Variants in ARAP1 observed in about 807,000 individuals in gnomAD.
ARAP1 encodes the protein ArfGAP with RhoGAP domain, ankyrin repeat and PH domain 1, also known as arf-GAP with Rho-GAP domain, ANK repeat and PH domain-containing protein 1.
Under a neutral mutation model 172.2 loss-of-function variants are expected in ARAP1, and 76 were observed. The ratio of observed to expected loss-of-function variants is 0.44; its 90% CI spans 0.37 to 0.53. The LOEUF is 0.53. ARAP1 is among the 20% of genes least tolerant of loss of function. The probability of loss-of-function intolerance (pLI) is 0.00; values close to 1 mark genes in which losing one functional copy is unlikely to be tolerated. For missense variants in ARAP1, 1,686 were observed against 1,977.5 expected (o/e 0.85, Z 2.80); for synonymous variants, 804 against 803.3 (o/e 1.00, Z -0.01).
chr11:72,722,863 A>G (rs1458568476), intron 3 of ARAP1, among the ~76,000 whole-genome samples: 3 of 152,294 alleles, frequency 2.0e-5, no homozygotes, highest in Middle Eastern at 3.4e-3. Flanking sequence ...CACAGGGCTC[A>G]TGTCTGCGGC....
In ARAP1 at chr11:72,695,988, G is replaced by C; in HGVS notation, c.3273-123C>G. 7.9e-7 allele frequency: 1 copy of C among 1,258,010 alleles called. No homozygotes were observed. Among genetic ancestry groups the C allele is most frequent in the Non-Finnish European group, 1.1e-6 (1 of 936,162 alleles). 77.9% of individuals were successfully genotyped at this position (1,258,010 alleles called of 1,614,324 possible). A position where few individuals can be genotyped will look rare whatever the true frequency, so the allele number is the denominator to read the frequency against. On this transcript the variant is annotated intron_variant, in intron 23 of 34. Transcript: ENST00000393609. This position sits in a 1 kb window ranked among gnomAD's most constrained non-coding sequence, Gnocchi z 4.4. ...GAGGGGACCACTGTTTAACAGGGTA[G>C]GAACAGTTTTTCTGGCCATATCTTG...
intron 33 of ARAP1, 136 bp from the exon 34 acceptor site, chr11:72,686,327 TGAG>T: frequency 8.4e-7 from 1 of 1,196,586 alleles, no homozygotes; most frequent in South Asian, 1.5e-5. Context: ...CCCGCCGATA[TGAG>T]AAGCAGCTGT....
Position 72,707,168 on chromosome 11 carries a change from C to A in ARAP1, c.1723+7G>T. 6.4e-7 allele frequency: 1 copy of A among 1,571,606 alleles called. No individual in the cohort carries two copies. The highest frequency in any genetic ancestry group is 8.6e-7 in the Non-Finnish European group (1 of 1,156,776). ...TCTGCCTGGTGCCCCGACCCCCATG[C>A]ACACACCTGCACAGCGCTTGCAGAT... is the stretch of plus-strand genomic sequence containing the variant. On this transcript the variant is annotated splice_region_variant and intron_variant, in intron 12 of 34. Transcript: ENST00000393609.
At chr11:72,747,192 C>T (rs187921246) in intron 1 of ARAP1, among the ~76,000 whole-genome samples, 23 of 152,312 alleles carry the variant, frequency 1.5e-4, no homozygotes, top group Admixed American at 1.1e-3. Context: ...AGAAGTGGCC[C>T]TCCTGATCTT....
intron 1 of ARAP1, among the ~76,000 whole-genome samples, chr11:72,735,382 G>A (rs547571565): frequency 1.3e-5 from 2 of 152,112 alleles, no homozygotes; most frequent in South Asian, 4.1e-4. Flanking sequence ...AGGCCAAGGC[G>A]GGTAGATCAC....
chr11:72,703,408 C>CGGGGGGGGGGGGGGG (rs56850317), intron 14 of ARAP1: 1 of 113,720 alleles, frequency 8.8e-6, no homozygotes, highest in Non-Finnish European at 1.9e-5. Context: ...GTGGAGGAGC[C>CGGGGGGGGGGGGGGG]GGGGGGGGGG....
At chr11:72,690,222 A>G (rs990803575) in intron 30 of ARAP1, among the ~76,000 whole-genome samples, 1 of 152,152 alleles carries the variant, frequency 6.6e-6, no homozygotes, top group African/African-American at 2.4e-5. Flanking sequence ...AGGCCCAGTC[A>G]GGCGCAGAGG....
chr11:72,737,811 A>G (rs1858078905), intron 1 of ARAP1, among the ~76,000 whole-genome samples: 1 of 151,968 alleles, frequency 6.6e-6, no homozygotes, highest in African/African-American at 2.4e-5. Context: ...TTTTGTAGAG[A>G]TGGGGTTTTG....
chr11:72,712,131 G>C (rs897858525), intron 7 of ARAP1, 65 bp downstream of exon 7: 4 of 1,484,228 alleles, frequency 2.7e-6, no homozygotes, highest in South Asian at 1.3e-5. Context: ...AGTGTCCTGG[G>C]GTCCTGGACA....
At chr11:72,715,152 G>A (rs577698435) in intron 3 of ARAP1, among the ~76,000 whole-genome samples, 2 of 152,244 alleles carry the variant, frequency 1.3e-5, no homozygotes, top group Non-Finnish European at 2.9e-5. Context: ...TAGCCCCTCT[G>A]AGCCTCAGTT....
intron 2 of ARAP1, among the ~76,000 whole-genome samples, chr11:72,731,364 C>A (rs1006063475): frequency 1.3e-5 from 2 of 152,178 alleles, no homozygotes; most frequent in Non-Finnish European, 2.9e-5. Context: ...GCTTGGTGCC[C>A]TCCCCATGGT....
intron 3 of ARAP1, among the ~76,000 whole-genome samples, chr11:72,721,419 C>T (rs893253314): frequency 1.3e-5 from 2 of 152,198 alleles, no homozygotes; most frequent in African/African-American, 4.8e-5. Flanking sequence ...ATAAGCCAAA[C>T]TAAGCCTCCC....
chr11:72,729,027 A>G (rs1218666589), intron 2 of ARAP1, among the ~76,000 whole-genome samples: 1 of 152,220 alleles, frequency 6.6e-6, no homozygotes, highest in Non-Finnish European at 1.5e-5. Flanking sequence ...ACATGTTAAA[A>G]CATATTATAA....
rs749068427 is a variant in ARAP1, at chr11:72,726,740, G to A, written c.389C>T (p.Thr130Ile). 6.8e-6 allele frequency: 10 copies of A among 1,469,066 alleles called. No homozygotes were observed. Among genetic ancestry groups the A allele is most frequent in the South Asian group, 1.2e-5 (1 of 82,642 alleles). The allele number at this position is 1,469,066 out of a possible 1,614,324, so 91.0% of individuals were successfully genotyped here. Reference protein sequence around the residue: ...RRSCLPPTCFTTPSTAAPDPV... With the variant: ...RRSCLPPTCFITPSTAAPDPV... ...GTCTGGGGCAGCTGTGGATGGGGTG[G>A]TGAAGCAGGTGGGCGGAAGGCAGCT... Residue 130 changes from threonine (T) to isoleucine (I), a missense_variant, in exon 3 of 35, where the codon ACC (threonine) becomes ATC (isoleucine). Physicochemically the swap from Thr to Ile is moderately conservative, Grantham distance 89. Coordinates refer to ENST00000393609, the MANE Select transcript of ARAP1 (RefSeq NM_001040118.3). This position sits in a 1 kb window ranked among gnomAD's most constrained non-coding sequence, Gnocchi z 6.5.
At position 72,705,808 on chromosome 11, in the gene ARAP1, G is replaced by A. The variant is rs775211685; in HGVS notation, c.1806C>T (p.Ile602=). 9.3e-6 allele frequency: 15 copies of A among 1,613,918 alleles called. No homozygotes were observed. The highest frequency in any genetic ancestry group is 1.1e-5 in the Non-Finnish European group (13 of 1,179,956). The change falls in exon 13 of 35, where the codon ATC becomes ATT. Residue 602 remains isoleucine, a synonymous_variant. Coordinates refer to ENST00000393609, the MANE Select transcript of ARAP1 (RefSeq NM_001040118.3). ...MDRKVWTETL[I]ELFLQLGNGA... ...TGGCAAGCAGGGGCATCCCCACCTC[G>A]ATAAGTGTTTCTGTCCACACCTTCC...
At chr11:72,735,983 G>C (rs1277643897) in intron 1 of ARAP1, among the ~76,000 whole-genome samples, 1 of 152,192 alleles carries the variant, frequency 6.6e-6, no homozygotes, top group African/African-American at 2.4e-5. Context: ...GCTGAGGTAA[G>C]GGAAGGCTTC....
Position 72,687,420 on chromosome 11 carries a change from CACACTCT to C in ARAP1, c.4185+12_4185+18del. 6.2e-7 allele frequency: 1 copy of C among 1,614,190 alleles called. No homozygotes were observed. Among genetic ancestry groups the C allele is most frequent in the Admixed American group, 1.7e-5 (1 of 60,028 alleles). On this transcript the variant is annotated intron_variant, in intron 33 of 34. Coordinates refer to ENST00000393609, the MANE Select transcript of ARAP1 (RefSeq NM_001040118.3). Reference sequence around the variant, plus strand: ...GCCTCCAGGGACCCACCCCACACCCCACACTCTGCACCTGGTACCTGCACAAACAGAA... The same window carrying C: ...GCCTCCAGGGACCCACCCCACACCCCGCACCTGGTACCTGCACAAACAGAA...
intron 3 of ARAP1, among the ~76,000 whole-genome samples, chr11:72,718,044 C>T (rs1438743401): frequency 6.6e-6 from 1 of 152,176 alleles, no homozygotes; most frequent in African/African-American, 2.4e-5. Context: ...CCCAGCAGAG[C>T]TTCCACAGGG....
rs1025660403 is a variant in ARAP1 at position 72,695,461 on chromosome 11, G to C, written c.3508-6C>G. The C allele has an allele frequency of 1.2e-6, 2 of 1,614,116 alleles. No homozygotes were observed. The highest frequency in any genetic ancestry group is 1.7e-6 in the Non-Finnish European group (2 of 1,180,052). On this transcript the variant is annotated splice_region_variant and splice_polypyrimidine_tract_variant and intron_variant, in intron 25 of 34. Coordinates refer to ENST00000393609, the MANE Select transcript of ARAP1 (RefSeq NM_001040118.3). The surrounding 1 kb of genome is among the most constrained non-coding windows in gnomAD (Gnocchi z 4.4). ...CAGATGAAGTCACCGGCATGCTGCA[G>C]GGAGACAGGGCTCAGCTGGGGGCCT...
Sources: gnomAD v4.1 joint callset for allele counts (sites outside exome capture counted in the v4.1 genomes callset) on GRCh38, gnomAD v4.1.1 for gene constraint, Gnocchi (gnomAD v3.1) non-coding constraint, MANE v1.5 for transcripts, NCBI Gene and HGNC (gene_info 2026-07-23, HGNC 2026-07-21) for gene names.